SHANK2: variants seen among roughly 807,000 people sequenced by gnomAD.
SHANK2 encodes SH3 and multiple ankyrin repeat domains 2.
In SHANK2, 43 loss-of-function variants were observed where a neutral mutation model predicts 133.7. The ratio of observed to expected loss-of-function variants is 0.32; its 90% CI spans 0.25 to 0.41. The LOEUF (loss-of-function observed/expected upper bound fraction) is 0.41, where lower values mean the gene tolerates loss of function less well. Ranked by LOEUF, SHANK2 falls within the 10% of genes least tolerant of loss-of-function variation. The pLI is 1.00. For missense variants in SHANK2, 1,994 were observed against 2,235.8 expected, an observed-to-expected ratio of 0.89 and a Z score of 2.18; for synonymous variants, 1,017 against 952.8, an observed-to-expected ratio of 1.07 and a Z score of -1.24.
At chr11:70,810,239 G>A (rs1363394171) in intron 12 of SHANK2, among the ~76,000 whole-genome samples, 21 of 152,216 alleles carry the variant, frequency 1.4e-4, no homozygotes, top group Non-Finnish European at 2.5e-4. Context: ...CAACAGCAGC[G>A]CTGGGCCAGG....
intron 2 of SHANK2, 62 bp from the exon 3 acceptor site, chr11:71,147,400 G>C (rs1430061246): frequency 2.1e-6 from 3 of 1,399,156 alleles, no homozygotes; most frequent in Non-Finnish European, 2.9e-6. Flanking sequence ...AAAACCCAGG[G>C]GCACGGTGGA....
chr11:70,923,610 G>A (rs572087505), intron 10 of SHANK2, among the ~76,000 whole-genome samples: 47 of 152,240 alleles, frequency 3.1e-4, no homozygotes, highest in South Asian at 1.9e-3. Flanking sequence ...GTGGCGTGAC[G>A]TAACCTCAGT....
intron 10 of SHANK2, among the ~76,000 whole-genome samples, chr11:70,918,034 T>TGG (rs1565405044): frequency 1.3e-5 from 2 of 150,976 alleles, no homozygotes; most frequent in Non-Finnish European, 3.0e-5. Context: ...TTTTTTTTTT[T>TGG]TTTTTTTTTT....
chr11:70,759,975 C>A (rs550363139), intron 14 of SHANK2, among the ~76,000 whole-genome samples: 1 of 152,364 alleles, frequency 6.6e-6, no homozygotes, highest in Admixed American at 6.5e-5. Flanking sequence ...ACCCTGCAGA[C>A]ACCTTGATTT....
intron 2 of SHANK2, among the ~76,000 whole-genome samples, chr11:71,221,744 GT>G (rs1210404011): frequency 6.6e-6 from 1 of 152,108 alleles, no homozygotes; most frequent in Non-Finnish European, 1.5e-5. Context: ...CAATTTTCCA[GT>G]TTTTTTCTGA....
chr11:70,573,285 G>A (rs2060070291), intron 17 of SHANK2, among the ~76,000 whole-genome samples: 1 of 120,566 alleles, frequency 8.3e-6, no homozygotes, highest in African/African-American at 3.1e-5. Flanking sequence ...GGGGGCGGGG[G>A]GGCTGTGATG....
At chr11:71,160,815 G>T (rs1411958367) in intron 2 of SHANK2, among the ~76,000 whole-genome samples, 1 of 152,158 alleles carries the variant, frequency 6.6e-6, no homozygotes, top group African/African-American at 2.4e-5. Flanking sequence ...TCCCTGCTGG[G>T]TTATTTCAGC....
intron 3 of SHANK2, among the ~76,000 whole-genome samples, chr11:71,128,459 G>C (rs368586568): frequency 6.6e-6 from 1 of 152,168 alleles, no homozygotes; most frequent in Non-Finnish European, 1.5e-5. Context: ...AGACCTGGGT[G>C]GTGATGGAGT....
intron 10 of SHANK2, among the ~76,000 whole-genome samples, chr11:70,953,116 G>C (rs1771041574): frequency 6.6e-6 from 1 of 152,030 alleles, no homozygotes. Context: ...GCTACACTTT[G>C]AACACTGGCC....
chr11:70,635,765 A>G (rs1555003777), intron 17 of SHANK2, among the ~76,000 whole-genome samples: 1 of 146,516 alleles, frequency 6.8e-6, no homozygotes, highest in African/African-American at 2.4e-5. Flanking sequence ...GTAAAAAAAA[A>G]AAGGGGGGAG....
chr11:70,826,769 C>T (rs1555057298), intron 11 of SHANK2: 2 of 300,508 alleles, frequency 6.7e-6, no homozygotes, highest in Non-Finnish European at 1.3e-5. Context: ...CCTCTCGCGG[C>T]GCGCGTCATG....
At chr11:71,107,833 G>T (rs553677908) in intron 6 of SHANK2, among the ~76,000 whole-genome samples, 3 of 152,204 alleles carry the variant, frequency 2.0e-5, no homozygotes, top group Non-Finnish European at 4.4e-5. Flanking sequence ...AGGAAGCCAG[G>T]GGGAGGCTTG....
intron 17 of SHANK2, among the ~76,000 whole-genome samples, chr11:70,557,289 GA>G (rs1554979868): frequency 6.6e-6 from 1 of 152,150 alleles, no homozygotes; most frequent in African/African-American, 2.4e-5. Context: ...ACGAATTACA[GA>G]CAAAAAGCAA....
At chr11:70,775,938 A>G (rs576658034) in intron 14 of SHANK2, among the ~76,000 whole-genome samples, 1 of 152,338 alleles carries the variant, frequency 6.6e-6, no homozygotes, top group South Asian at 2.1e-4. Flanking sequence ...GCACCATATG[A>G]CAGCTTTCAT....
At position 71,241,715 on chromosome 11, in the gene SHANK2, G is replaced by A. The variant is rs956131606; in HGVS notation, c.-113+10710C>T. ...CCTCACTGGAAGACACCAGACATGG[G>A]AAGGAGTCATGTCCCACAATTTCTC... On this transcript the variant is annotated intron_variant, in intron 1 of 25. Coordinates refer to ENST00000601538, the MANE Select transcript of SHANK2 (RefSeq NM_012309.5). 2.0e-5 allele frequency among the ~76,000 whole-genome samples: 3 copies of A among 152,164 alleles called. No individual in the cohort carries two copies. The South Asian group carries it at 6.2e-4, about 32-fold the overall frequency.
intron 3 of SHANK2, among the ~76,000 whole-genome samples, chr11:71,122,425 T>C (rs534133317): frequency 1.3e-5 from 2 of 152,224 alleles, no homozygotes; most frequent in East Asian, 3.9e-4. Flanking sequence ...ATGTTCTCAC[T>C]CATAGGTGGG....
chr11:70,862,992 G>A, intron 11 of SHANK2: 1 of 302,836 alleles, frequency 3.3e-6, no homozygotes, highest in South Asian at 3.2e-5. Context: ...TCAGGGACAT[G>A]GGCTAAAAGG....
At chr11:70,595,090 G>A (rs1011464024) in intron 17 of SHANK2, among the ~76,000 whole-genome samples, 1 of 152,092 alleles carries the variant, frequency 6.6e-6, no homozygotes, top group Non-Finnish European at 1.5e-5. Context: ...AGCCTGCAGG[G>A]CCCCCCACCT....
intron 17 of SHANK2, among the ~76,000 whole-genome samples, chr11:70,642,766 G>A (rs140403919): frequency 5.5e-4 from 84 of 152,286 alleles, no homozygotes; most frequent in African/African-American, 1.8e-3. Context: ...CCCTCCATGC[G>A]ACTGAGAATA....
Sources: allele counts gnomAD v4.1 joint callset (sites outside exome capture counted in the v4.1 genomes callset), GRCh38; gene constraint gnomAD v4.1.1; transcripts MANE v1.5; gene names NCBI Gene and HGNC (gene_info 2026-07-23, HGNC 2026-07-21).